HEXD: variants seen among roughly 807,000 people sequenced by gnomAD.
HEXD encodes N-acetyl-beta-galactosaminidase.
Under a neutral mutation model 54.2 loss-of-function variants are expected in HEXD, and 47 were observed. That is an observed-to-expected ratio of 0.87 (90% CI 0.69 to 1.11). The LOEUF (loss-of-function observed/expected upper bound fraction) is 1.11. Ranked by LOEUF, HEXD falls within the 50% of genes least tolerant of loss-of-function variation. The pLI is 0.00. For missense variants in HEXD, 576 were observed against 649.2 expected (o/e 0.89, Z 1.23); for synonymous variants, 293 against 287.6 (o/e 1.02, Z -0.19).
Position 82,442,601 on chromosome 17 carries a change from T to C in HEXD, c.*217T>C. 1 of 1,556,932 alleles carries C rather than the reference T, an allele frequency of 6.4e-7. No homozygotes were observed. Among genetic ancestry groups the C allele is most frequent in the Non-Finnish European group, 8.7e-7 (1 of 1,144,734 alleles). ...GGAGACCCGCTTTGTGATCTGCATG[T>C]GTGACACTGATTCTTTGGAAATAAA... On this transcript the variant is annotated 3_prime_UTR_variant, in exon 13 of 13. Transcript: ENST00000327949. This position sits in a 1 kb window ranked among gnomAD's most constrained non-coding sequence, Gnocchi z 6.8.
intron 9 of HEXD, among the ~76,000 whole-genome samples, 192 bp from the exon 10 acceptor site, chr17:82,440,805 T>C (rs1177387296): frequency 6.6e-6 from 1 of 152,188 alleles, no homozygotes; most frequent in East Asian, 1.9e-4. Context: ...GTATTTCACG[T>C]GTTTAAAGAG....
In HEXD at chr17:82,419,744, A is replaced by G. The variant is rs1360362386; in HGVS notation, c.-51-5A>G. ...CTGTTGATAACTCTTGATTTTCTCCACTAGGAAGAAGTCCCCAAGGAGACT... is the reference window on the plus strand; with the variant it reads ...CTGTTGATAACTCTTGATTTTCTCCGCTAGGAAGAAGTCCCCAAGGAGACT... On this transcript the variant is annotated splice_polypyrimidine_tract_variant and splice_region_variant and intron_variant, in intron 1 of 12. Transcript: ENST00000327949. The G allele has an allele frequency of 2.7e-6, 3 of 1,109,408 alleles. No homozygotes were observed. Among genetic ancestry groups the G allele is most frequent in the East Asian group, 2.4e-5 (1 of 41,356 alleles). The allele number at this position is 1,109,408 out of a possible 1,614,324, so 68.7% of individuals were successfully genotyped here.
intron 2 of HEXD, among the ~76,000 whole-genome samples, chr17:82,422,816 G>A (rs2143389950): frequency 6.6e-6 from 1 of 152,274 alleles, no homozygotes; most frequent in African/African-American, 2.4e-5. Flanking sequence ...CAGCACTTTG[G>A]GAGGCTGAGG....
chr17:82,440,193 C>T, intron 9 of HEXD: 1 of 1,289,398 alleles, frequency 7.8e-7, no homozygotes, highest in South Asian at 1.2e-5. Context: ...GGGGGCTTGG[C>T]CAGAGGAGCT....
chr17:82,428,615 T>C lies in HEXD; in HGVS notation c.252T>C (p.Ile84=), dbSNP rs767103248. 8.1e-6 allele frequency: 13 copies of C among 1,613,342 alleles called. No homozygotes were observed. The highest frequency in any genetic ancestry group is 1.1e-5 in the Non-Finnish European group (13 of 1,179,352). ...CTGGACTCAATGAGCTGGAGGTGAT[T>C]CCCTTGGTGCAGACATTTGGACACA... ...HLAGLNELEV[I]PLVQTFGHME... Residue 84 remains isoleucine, a synonymous_variant, in exon 4 of 13, where the codon ATT becomes ATC. Coordinates refer to ENST00000327949, the MANE Select transcript of HEXD (RefSeq NM_001330542.2).
At chr17:82,439,227 G>GGGTGGGGCA (rs1424696832) in intron 8 of HEXD, among the ~76,000 whole-genome samples, 1 of 152,248 alleles carries the variant, frequency 6.6e-6, no homozygotes, top group Non-Finnish European at 1.5e-5. Context: ...CCGAGGGAGA[G>GGGTGGGGCA]GGTGGGGCAG....
intron 12 of HEXD, 62 bp downstream of exon 12, chr17:82,441,951 C>A: frequency 6.6e-7 from 1 of 1,514,498 alleles, no homozygotes; most frequent in Non-Finnish European, 9.1e-7. Flanking sequence ...GCTGCTGTTG[C>A]TGACATGTCC....
intron 6 of HEXD, among the ~76,000 whole-genome samples, 195 bp from the exon 7 acceptor site, chr17:82,436,472 C>T (rs927949420): frequency 2.0e-5 from 3 of 152,214 alleles, no homozygotes; most frequent in Non-Finnish European, 4.4e-5. Flanking sequence ...GGAGCATGGT[C>T]GCTCCAGCGG....
chr17:82,439,635 G>T lies in HEXD; in HGVS notation c.904G>T (p.Asp302Tyr). Residue 302 changes from aspartate to tyrosine, a missense_variant, in exon 9 of 13, where the codon GAC (aspartate) becomes TAC (tyrosine). Transcript: ENST00000327949. ...GCGCCCCTCTCATGGACCCAGGTAC[G>T]ACCACTACTCTGTGCTGTGCGAGCT... The part of the protein sequence containing the change: ...GIILTGWQRY[D>Y]HYSVLCELLP... 6.4e-7 allele frequency: 1 copy of T among 1,553,192 alleles called. No homozygotes were observed.
At chr17:82,424,526 C>T (rs1189551110) in intron 3 of HEXD, 23 bp downstream of exon 3, 1 of 1,558,594 alleles carries the variant, frequency 6.4e-7, no homozygotes, top group South Asian at 1.1e-5. Context: ...GTGGCAGGTA[C>T]AGGGGCGCGG....
chr17:82,437,510 C>T (rs1055279422), intron 8 of HEXD, 147 bp downstream of exon 8: 6 of 694,270 alleles, frequency 8.6e-6, no homozygotes, highest in South Asian at 4.5e-5. Context: ...GAAACAGCCA[C>T]GTGGGGTTGG....
At chr17:82,432,757 C>A (rs988874677) in intron 4 of HEXD, among the ~76,000 whole-genome samples, 6 of 151,402 alleles carry the variant, frequency 4.0e-5, no homozygotes, top group African/African-American at 7.3e-5. Context: ...TTTTCTTAAA[C>A]CGATTTGGTT....
chr17:82,419,971 A>G, intron 2 of HEXD, 88 bp downstream of exon 2: 4 of 704,180 alleles, frequency 5.7e-6, no homozygotes, highest in Non-Finnish European at 9.5e-6. Context: ...GGAAACGGGT[A>G]CCTAGAACAC....
At chr17:82,439,232 G>A (rs2053857974) in intron 8 of HEXD, among the ~76,000 whole-genome samples, 1 of 152,224 alleles carries the variant, frequency 6.6e-6, no homozygotes, top group African/African-American at 2.4e-5. Context: ...GGAGAGGGTG[G>A]GGCAGGAGGG....
At chr17:82,427,468 G>A (rs2143459574) in intron 3 of HEXD, among the ~76,000 whole-genome samples, 1 of 152,302 alleles carries the variant, frequency 6.6e-6, no homozygotes, top group Admixed American at 6.5e-5. Flanking sequence ...CAGCCCACAT[G>A]TGGTTAGACC....
At position 82,441,870 on chromosome 17, in the gene HEXD, A is replaced by G; in HGVS notation, c.1234A>G (p.Ile412Val). The change falls in exon 12 of 13, where the codon ATC (isoleucine) becomes GTC (valine). Residue 412 changes from isoleucine (I) to valine (V), a missense_variant. Coordinates refer to ENST00000327949, the MANE Select transcript of HEXD (RefSeq NM_001330542.2). ...CATCCACCCGGTCATGGTTCAGCAC[A>G]TCCAGCCCGCAGCGCTCAGGTGAGG... is the stretch of plus-strand genomic sequence containing the variant. ...KLIHPVMVQH[I>V]QPAALSLLAQ... The G allele has an allele frequency of 6.2e-7, 1 of 1,613,316 alleles. No homozygotes were observed. Among genetic ancestry groups the G allele is most frequent in the Non-Finnish European group, 8.5e-7 (1 of 1,180,002 alleles).
At chr17:82,432,580 GT>G (rs1567889565) in intron 4 of HEXD, among the ~76,000 whole-genome samples, 1 of 151,916 alleles carries the variant, frequency 6.6e-6, no homozygotes, top group African/African-American at 2.4e-5. Context: ...ACATTTTTCT[GT>G]TTTTTTCTTT....
intron 11 of HEXD, among the ~76,000 whole-genome samples, chr17:82,441,564 G>A (rs1415799911): frequency 6.6e-6 from 1 of 151,320 alleles, no homozygotes; most frequent in Non-Finnish European, 1.5e-5. Context: ...GGCAGGTGTG[G>A]GTGGGAGGCA....
At chr17:82,437,844 C>T (rs528024712) in intron 8 of HEXD, among the ~76,000 whole-genome samples, 47 of 152,316 alleles carry the variant, frequency 3.1e-4, no homozygotes, top group Admixed American at 1.2e-3. Context: ...CCAGCATAGG[C>T]GTGCCCAGCT....
Sources: allele counts gnomAD v4.1 joint callset (sites outside exome capture counted in the v4.1 genomes callset), GRCh38; gene constraint gnomAD v4.1.1; non-coding constraint Gnocchi (gnomAD v3.1); transcripts MANE v1.5; gene names NCBI Gene and HGNC (gene_info 2026-07-23, HGNC 2026-07-21).